ARHGEF10: variants seen among roughly 807,000 people sequenced by gnomAD.
The protein encoded by ARHGEF10 is Rho guanine nucleotide exchange factor (GEF) 10.
ARHGEF10 carries 140 observed loss-of-function variants against 147.4 expected under a neutral mutation model. That is an observed-to-expected ratio of 0.95 (90% CI 0.83 to 1.09). ARHGEF10 has a LOEUF of 1.09. ARHGEF10 is among the 50% of genes least tolerant of loss of function. The pLI, the probability that ARHGEF10 is intolerant of heterozygous loss-of-function variation, is 0.00. For synonymous variants in ARHGEF10, 902 were observed against 695.8 expected (o/e 1.30, Z -4.67); for missense variants, 2,222 against 1,752.7 (o/e 1.27, Z -4.78).
Position 1,928,579 on chromosome 8 carries a change from C to T in ARHGEF10, c.2850C>T (p.Pro950=). The change falls in exon 24 of 29, where the codon CCC becomes CCT. Residue 950 remains proline (P), a synonymous_variant. Coordinates refer to ENST00000349830, the MANE Select transcript of ARHGEF10 (RefSeq NM_014629.4). ...VEEKRREPGA[P]PDPETPAVRA... is the part of the protein sequence containing the mutation. Reference sequence around the variant, plus strand: ...AGAAGCGCAGAGAGCCTGGGGCACCCCCGGACCCCGAGACCCCGGCCGTGA... The same window carrying T: ...AGAAGCGCAGAGAGCCTGGGGCACCTCCGGACCCCGAGACCCCGGCCGTGA... 6.2e-7 allele frequency: 1 copy of T among 1,614,224 alleles called. No individual in the cohort carries two copies. The highest frequency in any genetic ancestry group is 8.5e-7 in the Non-Finnish European group (1 of 1,180,056).
In ARHGEF10 at chr8:1,876,571, A is replaced by T; in HGVS notation, c.680A>T (p.Asp227Val). 1 of 1,614,122 alleles carries T rather than the reference A, an allele frequency of 6.2e-7. No homozygotes were observed. The highest frequency in any genetic ancestry group is 1.6e-4 in the Middle Eastern group (1 of 6,062). Residue 227 changes from aspartate (D) to valine (V), a missense_variant and splice_region_variant, in exon 8 of 29, where the codon GAT becomes GTT. Transcript: ENST00000349830. ...TTCATTTTGGAATTTATGCACTCAG[A>T]TGAAATGATTTATGATGATGTTGAG... is the stretch of plus-strand genomic sequence containing the variant. The part of the protein sequence containing the change: ...VPRENSDSEP[D>V]EMIYDDVENG...
At chr8:1,858,688 G>C (rs1805806098) in intron 3 of ARHGEF10, 2 of 157,154 alleles carry the variant, frequency 1.3e-5, no homozygotes, top group Non-Finnish European at 2.8e-5. Context: ...TCAGGCAGTG[G>C]TGGGAGAGCC....
chr8:1,911,289 AT>A (rs59812717), intron 18 of ARHGEF10, among the ~76,000 whole-genome samples: 20,001 of 150,630 alleles, frequency 0.13, 1,556 homozygotes, highest in African/African-American at 0.21. Context: ...ACCTGCATTG[AT>A]TTTTTTTTTA....
intron 26 of ARHGEF10, among the ~76,000 whole-genome samples, chr8:1,941,398 T>A (rs1458741440): frequency 6.6e-6 from 1 of 152,184 alleles, no homozygotes; most frequent in Non-Finnish European, 1.5e-5. Flanking sequence ...AAATTTTTAA[T>A]CAAAAAGTGC....
intron 16 of ARHGEF10, 58 bp from the exon 17 acceptor site, chr8:1,905,513 C>G: frequency 6.2e-7 from 1 of 1,611,426 alleles, no homozygotes; most frequent in South Asian, 1.1e-5. Context: ...TTCTCCTCAT[C>G]TTTTTCTTTT....
At chr8:1,942,123 C>T (rs1814144554) in intron 26 of ARHGEF10, among the ~76,000 whole-genome samples, 1 of 151,592 alleles carries the variant, frequency 6.6e-6, no homozygotes. Flanking sequence ...ATACACTGGG[C>T]TTCATTAAAG....
intron 7 of ARHGEF10, among the ~76,000 whole-genome samples, chr8:1,874,291 G>C (rs943660622): frequency 6.6e-6 from 1 of 152,178 alleles, no homozygotes; most frequent in African/African-American, 2.4e-5. Context: ...AGTTCTAACA[G>C]ACCTAAGTAA....
chr8:1,851,885 G>T (rs796744703), intron 2 of ARHGEF10, among the ~76,000 whole-genome samples: 4 of 151,376 alleles, frequency 2.6e-5, no homozygotes, highest in African/African-American at 7.3e-5. Flanking sequence ...CTGCACTCCA[G>T]CGCGGGCAAC....
At chr8:1,823,832 C>G (rs1346790742), upstream of ARHGEF10, 1 of 151,596 alleles carries the variant, frequency 6.6e-6, no homozygotes, top group Non-Finnish European at 1.5e-5. Flanking sequence ...AGGGCGCTGC[C>G]GAGAAACCGG....
intron 15 of ARHGEF10, among the ~76,000 whole-genome samples, chr8:1,899,802 A>G (rs954564824): frequency 2.0e-5 from 3 of 152,254 alleles, no homozygotes; most frequent in Non-Finnish European, 4.4e-5. Context: ...GCTTCCGGCA[A>G]GCAGCCACAG....
rs545052925 is a variant in ARHGEF10, at chr8:1,948,528, C to T, written c.3397+2873C>T. ...TCTGCTGCCACCGTGGCCTTGTCAG[C>T]AGGAGAAAGGTACACGGGTTAGAGG... On this transcript the variant is annotated intron_variant, in intron 27 of 28. Coordinates refer to ENST00000349830, the MANE Select transcript of ARHGEF10 (RefSeq NM_014629.4). This position sits in a 1 kb window ranked among gnomAD's most constrained non-coding sequence, Gnocchi z 4.9. 1.3e-5 allele frequency among the ~76,000 whole-genome samples: 2 copies of T among 152,178 alleles called. No homozygotes were observed. The highest frequency in any genetic ancestry group is 4.8e-5 in the African/African-American group (2 of 41,438).
intron 11 of ARHGEF10, among the ~76,000 whole-genome samples, chr8:1,889,398 G>C (rs1215581458): frequency 1.1e-5 from 1 of 87,130 alleles, no homozygotes; most frequent in Non-Finnish European, 2.2e-5. Context: ...GTGATGTGAG[G>C]CATCTGTGAG....
intron 22 of ARHGEF10, 110 bp from the exon 23 acceptor site, chr8:1,926,267 A>C: frequency 1.1e-6 from 1 of 893,300 alleles, no homozygotes; most frequent in South Asian, 1.3e-5. Context: ...ATGAACCTGT[A>C]ATTTCTGTGT....
At chr8:1,927,355 G>A (rs924691288) in intron 23 of ARHGEF10, 2 of 152,222 alleles carry the variant, frequency 1.3e-5, no homozygotes, top group African/African-American at 2.4e-5. Context: ...ATGAAAGTAG[G>A]ATGTCTGTAT....
intron 22 of ARHGEF10, 91 bp downstream of exon 22, chr8:1,925,495 C>G (rs1039978845): frequency 1.4e-5 from 22 of 1,552,180 alleles, no homozygotes; most frequent in East Asian, 9.2e-5. Context: ...GGGGCGTGGT[C>G]AGAACATGGT....
Position 1,867,276 on chromosome 8 carries a change from T to C in ARHGEF10, c.622+674T>C, listed in dbSNP as rs1344975673. On this transcript the variant is annotated intron_variant, in intron 6 of 28. Coordinates refer to ENST00000349830, the MANE Select transcript of ARHGEF10 (RefSeq NM_014629.4). ...CTAATTGGTAATGATCTGATTAATA[T>C]CACAGCTTATTTAAGAGAACTATTA... 5.9e-5 allele frequency among the ~76,000 whole-genome samples: 9 copies of C among 152,188 alleles called. No homozygotes were observed. In the East Asian group the frequency reaches 1.7e-3, roughly 29 times the overall value.
chr8:1,948,045 T>G lies in ARHGEF10; in HGVS notation c.3397+2390T>G, dbSNP rs999692561. On this transcript the variant is annotated intron_variant, in intron 27 of 28. Transcript: ENST00000349830. This position sits in a 1 kb window ranked among gnomAD's most constrained non-coding sequence, Gnocchi z 4.9. ...TTGCGTGTTTTGGATGATGAAGTTG[T>G]CTGTGGCTGGGCGCTGAGCCTTCCT... Among the ~76,000 whole-genome samples the G allele has an allele frequency of 3.3e-5, 5 of 152,062 alleles. No homozygotes were observed. Among genetic ancestry groups the G allele is most frequent in the Admixed American group, 6.5e-5 (1 of 15,278 alleles).
rs146847310 is a variant in ARHGEF10, at chr8:1,878,013, C to G, written c.843+1279C>G. 9.6e-4 allele frequency among the ~76,000 whole-genome samples: 146 copies of G among 152,172 alleles called. 1 individual carries two copies. Among genetic ancestry groups the G allele is most frequent in the African/African-American group, 3.3e-3 (139 of 41,518 alleles). The stretch of plus-strand genomic sequence containing the variant: ...TTTACAAGTGATTATGGGCTGCCTA[C>G]AATTCTCATATTCTGTGAACCTGGC... On this transcript the variant is annotated intron_variant, in intron 8 of 28. Coordinates refer to ENST00000349830, the MANE Select transcript of ARHGEF10 (RefSeq NM_014629.4).
intron 26 of ARHGEF10, among the ~76,000 whole-genome samples, chr8:1,942,488 G>C (rs908306775): frequency 6.6e-6 from 1 of 151,952 alleles, no homozygotes. Context: ...AGGATGCTGG[G>C]AGACTCTTGC....
Sources: gnomAD v4.1 joint callset for allele counts (sites outside exome capture counted in the v4.1 genomes callset) on GRCh38, gnomAD v4.1.1 for gene constraint, Gnocchi (gnomAD v3.1) non-coding constraint, MANE v1.5 for transcripts, NCBI Gene and HGNC (gene_info 2026-07-23, HGNC 2026-07-21) for gene names.